CRACR2A: variants seen among roughly 807,000 people sequenced by gnomAD.
CRACR2A encodes the protein EF-hand calcium-binding domain-containing protein 4B.
In CRACR2A, 79 loss-of-function variants were observed where a neutral mutation model predicts 90.5. The ratio of observed to expected loss-of-function variants is 0.87; its 90% CI spans 0.73 to 1.05. CRACR2A has a LOEUF of 1.05. Ranked by LOEUF, CRACR2A falls within the 50% of genes least tolerant of loss-of-function variation. CRACR2A has a pLI of 0.00. For synonymous variants in CRACR2A, 338 were observed against 356.7 expected, an observed-to-expected ratio of 0.95 and a Z score of 0.59; for missense variants, 823 against 897.2, an observed-to-expected ratio of 0.92 and a Z score of 1.06.
At chr12:3,735,546 G>C (rs1289889893) in intron 1 of CRACR2A, among the ~76,000 whole-genome samples, 1 of 152,180 alleles carries the variant, frequency 6.6e-6, no homozygotes, top group Admixed American at 6.5e-5. Context: ...AAAGTTTTCT[G>C]GGTACTAACC....
intron 7 of CRACR2A, among the ~76,000 whole-genome samples, chr12:3,666,330 C>CGTGCGTGTGTGTGTGTGT (rs1555112058): frequency 7.2e-6 from 1 of 139,582 alleles, no homozygotes; most frequent in African/African-American, 2.7e-5. Context: ...AGGACGGCTG[C>CGTGCGTGTGTGTGTGTGT]GTGTGTGTGT....
intron 8 of CRACR2A, among the ~76,000 whole-genome samples, chr12:3,657,057 G>A (rs758302471): frequency 5.9e-5 from 9 of 152,208 alleles, no homozygotes; most frequent in Non-Finnish European, 1.2e-4. Context: ...CTGGCTATGG[G>A]ACGAGGAGGA....
intron 3 of CRACR2A, among the ~76,000 whole-genome samples, chr12:3,704,447 T>C (rs1945883923): frequency 6.6e-6 from 1 of 152,212 alleles, no homozygotes; most frequent in African/African-American, 2.4e-5. Flanking sequence ...CTTAAGTTCA[T>C]GAATATGATA....
rs1390707246 is a variant in CRACR2A at position 3,666,352 on chromosome 12, TGTGCGTGC to T, written c.672-6706_672-6699del. Reference sequence around the variant, plus strand: ...CTGCGTGTGTGTGTGTGTGTGTGTGTGTGCGTGCGTGTGCGCGTGCGCGCGCACGCGCG... The same window carrying T: ...CTGCGTGTGTGTGTGTGTGTGTGTGTGTGTGCGCGTGCGCGCGCACGCGCG... On this transcript the variant is annotated intron_variant, in intron 7 of 19. Coordinates refer to ENST00000440314, the MANE Select transcript of CRACR2A (RefSeq NM_001144958.2). 3.8e-3 allele frequency among the ~76,000 whole-genome samples: 559 copies of T among 147,462 alleles called. 2 individuals are homozygous for T. The highest frequency in any genetic ancestry group is 0.014 in the African/African-American group (526 of 37,824).
intron 2 of CRACR2A, among the ~76,000 whole-genome samples, chr12:3,720,416 G>GAAGA (rs554793478): frequency 0.083 from 8,880 of 106,498 alleles, 524 homozygotes; most frequent in East Asian, 0.11. Context: ...TGAGAGAGAG[G>GAAGA]AAGAAAGAAA....
At chr12:3,657,302 G>T (rs973939192) in intron 8 of CRACR2A, among the ~76,000 whole-genome samples, 2 of 152,250 alleles carry the variant, frequency 1.3e-5, no homozygotes, top group African/African-American at 4.8e-5. Flanking sequence ...AGGAAGAGAA[G>T]AAACCATTGT....
rs772338967 is a variant in CRACR2A at position 3,633,681 on chromosome 12, T to C, written c.1658A>G (p.Asn553Ser). The C allele has an allele frequency of 1.4e-5, 22 of 1,551,590 alleles. No individual in the cohort carries two copies. The highest frequency in any genetic ancestry group is 1.1e-4 in the South Asian group (9 of 84,056). The change falls in exon 15 of 20, where the codon AAT (asparagine) becomes AGT (serine). Residue 553 changes from asparagine (N) to serine (S), a missense_variant. Asn to Ser is a conservative substitution (Grantham distance 46). Coordinates refer to ENST00000440314, the MANE Select transcript of CRACR2A (RefSeq NM_001144958.2). This position sits in a 1 kb window ranked among gnomAD's most constrained non-coding sequence, Gnocchi z 4.5. Reference sequence around the variant, plus strand: ...GAAGGATGTCTTCCCCACCGCGGAATTGCCCACGAACACAATCTTGAAGAG... The same window carrying C: ...GAAGGATGTCTTCCCCACCGCGGAACTGCCCACGAACACAATCTTGAAGAG... ...DRLFKIVFVG[N>S]SAVGKTSFLR...
intron 7 of CRACR2A, chr12:3,672,890 G>T: frequency 2.6e-6 from 2 of 764,876 alleles, no homozygotes; most frequent in Non-Finnish European, 3.2e-6. Context: ...GGGAGAGAGC[G>T]GCCAGGAGGA....
intron 3 of CRACR2A, among the ~76,000 whole-genome samples, chr12:3,697,784 T>A (rs1945767691): frequency 6.6e-6 from 1 of 152,242 alleles, no homozygotes; most frequent in Non-Finnish European, 1.5e-5. Flanking sequence ...AGGAGCTTCA[T>A]GTTGTAGAGG....
At chr12:3,692,098 C>T (rs910899008) in intron 4 of CRACR2A, among the ~76,000 whole-genome samples, 1 of 152,196 alleles carries the variant, frequency 6.6e-6, no homozygotes, top group African/African-American at 2.4e-5. Flanking sequence ...CAATGTATGC[C>T]TGCATCTCAA....
intron 15 of CRACR2A, among the ~76,000 whole-genome samples, chr12:3,630,534 G>A (rs1345433065): frequency 1.3e-5 from 2 of 152,194 alleles, no homozygotes; most frequent in African/African-American, 4.8e-5. Flanking sequence ...AAACACCTTG[G>A]ATTCTGGCCT....
At chr12:3,698,406 G>C (rs903836547) in intron 3 of CRACR2A, among the ~76,000 whole-genome samples, 28 of 152,202 alleles carry the variant, frequency 1.8e-4, no homozygotes, top group Non-Finnish European at 3.2e-4. Flanking sequence ...TGGGCCTCAG[G>C]CTCAGCTATA....
rs898539423 is a variant in CRACR2A, at chr12:3,627,989, C to T, written c.1736-283G>A. On this transcript the variant is annotated intron_variant, in intron 15 of 19. Coordinates refer to ENST00000440314, the MANE Select transcript of CRACR2A (RefSeq NM_001144958.2). ...GCTCTTCACTGTAATACAAGCCATA[C>T]ACTCTTTCTTTCCCTCCCTCCCTCC... Among the ~76,000 whole-genome samples, 38 of 151,682 alleles carry T rather than the reference C, an allele frequency of 2.5e-4. 2 individuals are homozygous for T. Among genetic ancestry groups the T allele is most frequent in the African/African-American group, 8.7e-4 (36 of 41,306 alleles).
chr12:3,700,417 G>T (rs1945818208), intron 3 of CRACR2A, among the ~76,000 whole-genome samples: 1 of 152,152 alleles, frequency 6.6e-6, no homozygotes, highest in Non-Finnish European at 1.5e-5. Flanking sequence ...GGGAAACACA[G>T]GCACAGCTTG....
At chr12:3,646,000 G>T (rs1229121299) in intron 11 of CRACR2A, among the ~76,000 whole-genome samples, 2 of 152,222 alleles carry the variant, frequency 1.3e-5, no homozygotes, top group African/African-American at 4.8e-5. Context: ...GGGGTAGGGG[G>T]TGGCCTCTGT....
At chr12:3,745,933 G>A (rs2137919629) in intron 1 of CRACR2A, among the ~76,000 whole-genome samples, 1 of 152,074 alleles carries the variant, frequency 6.6e-6, no homozygotes, top group South Asian at 2.1e-4. Flanking sequence ...GTGTCTCTCT[G>A]GCCAGTGTCT....
chr12:3,749,765 G>A (rs1332701828), intron 1 of CRACR2A, among the ~76,000 whole-genome samples: 1 of 150,842 alleles, frequency 6.6e-6, no homozygotes, highest in African/African-American at 2.4e-5. Flanking sequence ...CAATGTGCTG[G>A]TTTTTGTTGT....
At position 3,696,966 on chromosome 12, in the gene CRACR2A, G is replaced by A; in HGVS notation, c.34C>T (p.Pro12Ser). The change falls in exon 4 of 20, where the codon CCC becomes TCC. Residue 12 changes from proline (P) to serine (S), a missense_variant. Physicochemically the swap from Pro to Ser is moderately conservative, Grantham distance 74. Coordinates refer to ENST00000440314, the MANE Select transcript of CRACR2A (RefSeq NM_001144958.2). ...CCAGACCCCTGACCAAGTCTCTGGG[G>A]TCTGGAGACTACCCTCCCGTCAGGG... ...AAPDGRVVSRPQRLGQGSGQG... is the reference protein window; with the variant it reads ...AAPDGRVVSRSQRLGQGSGQG... 6.2e-7 allele frequency: 1 copy of A among 1,613,946 alleles called. No homozygotes were observed. The highest frequency in any genetic ancestry group is 2.2e-5 in the East Asian group (1 of 44,870).
chr12:3,725,596 G>A (rs975965531), intron 2 of CRACR2A, among the ~76,000 whole-genome samples: 4 of 152,102 alleles, frequency 2.6e-5, no homozygotes, highest in Admixed American at 2.0e-4. Flanking sequence ...ACCAGTTCTG[G>A]CAGTTAGGAC....
Sources: gnomAD v4.1 joint callset for allele counts (sites outside exome capture counted in the v4.1 genomes callset) on GRCh38, gnomAD v4.1.1 for gene constraint, Gnocchi (gnomAD v3.1) non-coding constraint, MANE v1.5 for transcripts, NCBI Gene and HGNC (gene_info 2026-07-23, HGNC 2026-07-21) for gene names.